XRCC4: variants seen among roughly 807,000 people sequenced by gnomAD.
XRCC4 encodes the protein DNA repair protein XRCC4.
XRCC4 carries 28 observed loss-of-function variants against 39.1 expected under a neutral mutation model. The observed-to-expected ratio is 0.72, with a 90% CI of 0.53 to 0.98. The LOEUF (loss-of-function observed/expected upper bound fraction) is 0.98, where lower values mean the gene tolerates loss of function less well. Among genes scored for constraint, XRCC4 ranks in the 50% least tolerant of loss-of-function variants. XRCC4 has a pLI of 0.00. For synonymous variants in XRCC4, 123 were observed against 126.4 expected (o/e 0.97, Z 0.18); for missense variants, 350 against 376.4 (o/e 0.93, Z 0.58).
At chr5:83,276,308 G>C (rs1407734158) in intron 7 of XRCC4, among the ~76,000 whole-genome samples, 6 of 152,002 alleles carry the variant, frequency 3.9e-5, no homozygotes, top group Non-Finnish European at 7.4e-5. Context: ...TTTGGTAGAT[G>C]GTATGGTTTC....
intron 7 of XRCC4, among the ~76,000 whole-genome samples, chr5:83,269,745 A>C (rs1008335073): frequency 6.6e-6 from 1 of 152,100 alleles, no homozygotes; most frequent in African/African-American, 2.4e-5. Flanking sequence ...TATTTAGTAG[A>C]TCTAACCCAG....
At chr5:83,110,801 G>A (rs757823766) in intron 2 of XRCC4, among the ~76,000 whole-genome samples, 1 of 151,954 alleles carries the variant, frequency 6.6e-6, no homozygotes, top group African/African-American at 2.4e-5. Context: ...GAATGTCAAG[G>A]GTTTAATGTA....
At chr5:83,131,534 A>G (rs1192873001) in intron 3 of XRCC4, among the ~76,000 whole-genome samples, 1 of 152,132 alleles carries the variant, frequency 6.6e-6, no homozygotes, top group Non-Finnish European at 1.5e-5. Flanking sequence ...TAAGTCTCTA[A>G]GGACTTGCGT....
chr5:83,209,455 T>C (rs1370501156), intron 6 of XRCC4, among the ~76,000 whole-genome samples: 2 of 152,112 alleles, frequency 1.3e-5, no homozygotes, highest in East Asian at 1.9e-4. Flanking sequence ...GATAACAGAA[T>C]TGTATGTGAA....
At chr5:83,255,362 C>T (rs1468015641) in intron 6 of XRCC4, among the ~76,000 whole-genome samples, 3 of 152,038 alleles carry the variant, frequency 2.0e-5, no homozygotes, top group African/African-American at 7.2e-5. Flanking sequence ...ATGGTGCAAA[C>T]ACAAACCAAA....
intron 6 of XRCC4, among the ~76,000 whole-genome samples, chr5:83,249,414 A>G (rs1472124122): frequency 6.6e-6 from 1 of 152,156 alleles, no homozygotes; most frequent in Admixed American, 6.6e-5. Flanking sequence ...CACAGTTTTC[A>G]AGGAATGCCT....
chr5:83,246,185 A>G (rs1753093539), intron 6 of XRCC4, among the ~76,000 whole-genome samples: 1 of 152,066 alleles, frequency 6.6e-6, no homozygotes, highest in Non-Finnish European at 1.5e-5. Context: ...AACAGTAACA[A>G]AAATACACTT....
At chr5:83,227,546 C>G (rs1462909565) in intron 6 of XRCC4, among the ~76,000 whole-genome samples, 1 of 152,048 alleles carries the variant, frequency 6.6e-6, no homozygotes, top group Non-Finnish European at 1.5e-5. Context: ...GGTTAACACT[C>G]TGCTTCATGA....
intron 6 of XRCC4, among the ~76,000 whole-genome samples, chr5:83,246,292 A>C (rs1212300808): frequency 6.6e-6 from 1 of 152,140 alleles, no homozygotes; most frequent in Non-Finnish European, 1.5e-5. Context: ...ATTATTTACA[A>C]ATAATATACT....
chr5:83,120,297 C>G (rs1014173121), intron 3 of XRCC4, among the ~76,000 whole-genome samples: 1 of 151,966 alleles, frequency 6.6e-6, no homozygotes, highest in Admixed American at 6.6e-5. Context: ...TTTATGAATA[C>G]CAAATCAGTT....
chr5:83,110,588 C>T (rs1197623443), intron 2 of XRCC4, among the ~76,000 whole-genome samples: 1 of 152,026 alleles, frequency 6.6e-6, no homozygotes, highest in Non-Finnish European at 1.5e-5. Context: ...GTGAGCTCCA[C>T]TTTTGCTTTT....
At chr5:83,153,005 A>G (rs780000819) in intron 3 of XRCC4, among the ~76,000 whole-genome samples, 2 of 152,186 alleles carry the variant, frequency 1.3e-5, no homozygotes, top group Non-Finnish European at 2.9e-5. Flanking sequence ...ATACGTTTCT[A>G]TGACCACAAG....
chr5:83,212,094 A>C (rs1751669581), intron 6 of XRCC4, among the ~76,000 whole-genome samples: 2 of 152,050 alleles, frequency 1.3e-5, no homozygotes, highest in Admixed American at 6.6e-5. Flanking sequence ...ACATACACAC[A>C]TATGTATGTT....
chr5:83,153,607 A>G (rs1748821577), intron 3 of XRCC4, among the ~76,000 whole-genome samples: 1 of 152,204 alleles, frequency 6.6e-6, no homozygotes, highest in Non-Finnish European at 1.5e-5. Context: ...TCCTATCAGA[A>G]TGACTAAAAT....
chr5:83,261,073 T>C (rs1400564635), intron 7 of XRCC4, among the ~76,000 whole-genome samples: 1 of 151,980 alleles, frequency 6.6e-6, no homozygotes, highest in Non-Finnish European at 1.5e-5. Flanking sequence ...ATAGGATTTT[T>C]TTTGCATTTT....
chr5:83,099,514 T>A (rs1458327025), intron 1 of XRCC4, among the ~76,000 whole-genome samples: 1 of 152,202 alleles, frequency 6.6e-6, no homozygotes, highest in Non-Finnish European at 1.5e-5. Context: ...GTGAATGGTA[T>A]TTGTTCAGAC....
chr5:83,334,253 T>G (rs1241958971), intron 7 of XRCC4, among the ~76,000 whole-genome samples: 1 of 152,158 alleles, frequency 6.6e-6, no homozygotes. Flanking sequence ...TATATGCTAC[T>G]CTCTTGGTTG....
intron 6 of XRCC4, among the ~76,000 whole-genome samples, chr5:83,228,175 T>A (rs1752361417): frequency 6.6e-6 from 1 of 152,104 alleles, no homozygotes; most frequent in Non-Finnish European, 1.5e-5. Context: ...CCTTTATTTA[T>A]TAAAATGTTA....
chr5:83,273,111 A>G (rs9686371), intron 7 of XRCC4, among the ~76,000 whole-genome samples: 30,559 of 152,016 alleles, frequency 0.2, 6,877 homozygotes, highest in African/African-American at 0.56. Context: ...TTTAATGATC[A>G]CCATTCTTAC....
Sources: allele counts gnomAD v4.1 joint callset (sites outside exome capture counted in the v4.1 genomes callset), GRCh38; gene constraint gnomAD v4.1.1; transcripts MANE v1.5; gene names NCBI Gene and HGNC (gene_info 2026-07-23, HGNC 2026-07-21).